Variants in SPC24 observed in about 807,000 individuals in gnomAD.
SPC24 encodes the protein SPC24 component of NDC80 kinetochore complex, also known as kinetochore protein Spc24.
Under a neutral mutation model 27.6 loss-of-function variants are expected in SPC24, and 31 were observed. That is an observed-to-expected ratio of 1.12 (90% confidence interval 0.84 to 1.52). The LOEUF (loss-of-function observed/expected upper bound fraction) is 1.52. Ranked by LOEUF, SPC24 falls within the 40% of genes most tolerant of loss-of-function variation. The probability of loss-of-function intolerance (pLI) is 0.00; values close to 1 mark genes in which losing one functional copy is unlikely to be tolerated. For missense variants in SPC24, 284 were observed against 252.5 expected, an observed-to-expected ratio of 1.12 and a Z score of -0.84; for synonymous variants, 105 against 105.8, an observed-to-expected ratio of 0.99 and a Z score of 0.05.
intron 2 of SPC24, among the ~76,000 whole-genome samples, 154 bp from the exon 3 acceptor site, chr19:11,148,271 G>C (rs555660536): frequency 6.6e-6 from 1 of 152,062 alleles, no homozygotes; most frequent in Admixed American, 6.6e-5. Context: ...GCAGTGGCAC[G>C]ACCTCAGCTC....
chr19:11,155,666 C>CA lies in SPC24; in HGVS notation c.110dup (p.Val38GlyfsTer78). Reference sequence around the variant, plus strand: ...CTTGCGTTTCCAGCAGCCGCTCCACCACCTGCTCGTGGCGCCCCAGCAGCC... The same window carrying CA: ...CTTGCGTTTCCAGCAGCCGCTCCACCAACCTGCTCGTGGCGCCCCAGCAGCC... On this transcript the variant is annotated frameshift_variant, in exon 1 of 5. Coordinates refer to ENST00000592540, the MANE Select transcript of SPC24 (RefSeq NM_182513.4). LOFTEE classifies it high-confidence loss of function. 1.3e-6 allele frequency: 2 copies of CA among 1,557,878 alleles called. No homozygotes were observed. The highest frequency in any genetic ancestry group is 1.7e-6 in the Non-Finnish European group (2 of 1,158,474).
At position 11,147,213 on chromosome 19, in the gene SPC24, G is replaced by A; in HGVS notation, c.564C>T (p.Tyr188=). ...TQLSRKFISD[Y]LWSLVDTEW is the part of the protein sequence containing the mutation. Reference sequence around the variant, plus strand: ...ACTCGGTGTCCACCAGACTCCAGAGGTAGTCGCTGATGAATTTCCTGGAGA... The same window carrying A: ...ACTCGGTGTCCACCAGACTCCAGAGATAGTCGCTGATGAATTTCCTGGAGA... Residue 188 remains tyrosine (Y), a synonymous_variant, in exon 5 of 5, where the codon TAC becomes TAT. Transcript: ENST00000592540. 5 of 1,557,168 alleles carry A rather than the reference G, an allele frequency of 3.2e-6. No homozygotes were observed. Among genetic ancestry groups the A allele is most frequent in the Non-Finnish European group, 3.5e-6 (4 of 1,149,904 alleles).
intron 1 of SPC24, among the ~76,000 whole-genome samples, chr19:11,153,896 T>A (rs902387254): frequency 1.0e-5 from 1 of 96,420 alleles, no homozygotes; most frequent in Non-Finnish European, 2.4e-5. Context: ...TGAAACCCCG[T>A]CTCTACTAAA....
At chr19:11,147,983 C>G in intron 3 of SPC24, 30 bp downstream of exon 3, 1 of 1,608,186 alleles carries the variant, frequency 6.2e-7, no homozygotes, top group Non-Finnish European at 8.5e-7. Flanking sequence ...CAAGGAGGCA[C>G]AGGCAGGCAC....
intron 2 of SPC24, among the ~76,000 whole-genome samples, chr19:11,148,570 T>G (rs1202508557): frequency 6.6e-6 from 1 of 151,566 alleles, no homozygotes; most frequent in African/African-American, 2.4e-5. Context: ...AGCCTCAATC[T>G]CCCAGGACCA....
At position 11,147,582 on chromosome 19, in the gene SPC24, C is replaced by G. The variant is rs1183959693; in HGVS notation, c.487+236G>C. On this transcript the variant is annotated intron_variant, in intron 4 of 4. Transcript: ENST00000592540. ...GTGCTGGGATTACAGGCGTGAGGTA[C>G]CACACTTGGCCTGCTATACTTTACT... 3 of 577,288 alleles carry G rather than the reference C, an allele frequency of 5.2e-6. No homozygotes were observed. The African/African-American group carries it at 5.6e-5, about 11-fold the overall frequency. The allele number at this position is 577,288 out of a possible 1,614,324, so 35.8% of individuals were successfully genotyped here.
chr19:11,151,542 T>C (rs1416355842), intron 1 of SPC24, among the ~76,000 whole-genome samples: 1 of 151,800 alleles, frequency 6.6e-6, no homozygotes, highest in Non-Finnish European at 1.5e-5. Flanking sequence ...TGAGTAGTAA[T>C]CTCTACCCCA....
intron 2 of SPC24, among the ~76,000 whole-genome samples, chr19:11,148,618 C>A (rs560222784): frequency 6.6e-6 from 1 of 150,968 alleles, no homozygotes; most frequent in East Asian, 2.0e-4. Flanking sequence ...GTAGCTGAGA[C>A]TACAGGTGTG....
At chr19:11,147,780 A>C in intron 4 of SPC24, 38 bp downstream of exon 4, 21 of 1,508,744 alleles carry the variant, frequency 1.4e-5, no homozygotes, top group African/African-American at 2.8e-5. Flanking sequence ...CCCTACCTAC[A>C]GTGCACAAGG....
intron 1 of SPC24, 59 bp downstream of exon 1, chr19:11,155,558 C>G (rs1468696968): frequency 3.3e-6 from 5 of 1,501,470 alleles, no homozygotes; most frequent in Non-Finnish European, 3.5e-6. Context: ...GCCTGGTCGC[C>G]CCCTCCCAGC....
intron 1 of SPC24, among the ~76,000 whole-genome samples, chr19:11,153,917 T>C (rs1032150543): frequency 3.6e-5 from 5 of 139,550 alleles, no homozygotes; most frequent in Admixed American, 7.2e-5. Context: ...AAAATATATA[T>C]AAAAATATTA....
chr19:11,147,908 C>CAAAAAAGAA lies in SPC24; in HGVS notation c.411-15_411-14insTTCTTTTTT. 9.0e-7 allele frequency: 1 copy of CAAAAAAGAA among 1,110,320 alleles called. No individual in the cohort carries two copies. Among genetic ancestry groups the CAAAAAAGAA allele is most frequent in the East Asian group, 2.7e-5 (1 of 36,650 alleles). 68.8% of individuals were successfully genotyped at this position (1,110,320 alleles called of 1,614,324 possible). A position where few individuals can be genotyped will look rare whatever the true frequency, so the allele number is the denominator to read the frequency against. On this transcript the variant is annotated splice_polypyrimidine_tract_variant and intron_variant, in intron 3 of 4. Coordinates refer to ENST00000592540, the MANE Select transcript of SPC24 (RefSeq NM_182513.4). The stretch of plus-strand genomic sequence containing the variant: ...TGAGCCACGTACCTGTACAGGAAGA[C>CAAAAAAGAA]AAAAAAAAAAAAAAAAAAAAAAGAA...
In SPC24 at chr19:11,149,817, T is replaced by C. The variant is rs1231955648; in HGVS notation, c.161-579A>G. ...CCTCCGCCTTCCAGTTTCAAGTGATTCTCCTGCCTCAGCCTCCCAAGTCAC... is the reference window on the plus strand; with the variant it reads ...CCTCCGCCTTCCAGTTTCAAGTGATCCTCCTGCCTCAGCCTCCCAAGTCAC... On this transcript the variant is annotated intron_variant, in intron 1 of 4. Coordinates refer to ENST00000592540, the MANE Select transcript of SPC24 (RefSeq NM_182513.4). Among the ~76,000 whole-genome samples the C allele has an allele frequency of 9.3e-5, 14 of 151,160 alleles. No individual in the cohort carries two copies. The East Asian group carries it at 2.8e-3, about 30-fold the overall frequency.
chr19:11,152,498 C>T (rs1374228814), intron 1 of SPC24, among the ~76,000 whole-genome samples: 2 of 152,188 alleles, frequency 1.3e-5, no homozygotes, highest in Non-Finnish European at 2.9e-5. Context: ...GCGTGAGCCA[C>T]CACACCCAGC....
rs1329271446 is a variant in SPC24, at chr19:11,146,494, G to A, written c.*689C>T. On this transcript the variant is annotated 3_prime_UTR_variant, in exon 5 of 5. Transcript: ENST00000592540. ...AAAAAAAAAAAAAAAGGCCAGGCGCGGTGACTCACACCTGTAATCCCAGCA... is the reference window on the plus strand; with the variant it reads ...AAAAAAAAAAAAAAAGGCCAGGCGCAGTGACTCACACCTGTAATCCCAGCA... 1.2e-4 allele frequency: 5 copies of A among 42,540 alleles called. No individual in the cohort carries two copies. The highest frequency in any genetic ancestry group is 9.8e-4 in the Admixed American group (3 of 3,070). 2.6% of individuals were successfully genotyped at this position (42,540 alleles called of 1,614,324 possible). A position where few individuals can be genotyped will look rare whatever the true frequency, so the allele number is the denominator to read the frequency against.
chr19:11,155,675 G>C lies in SPC24; in HGVS notation c.102C>G (p.His34Gln). 6.4e-7 allele frequency: 1 copy of C among 1,558,702 alleles called. No individual in the cohort carries two copies. The highest frequency in any genetic ancestry group is 8.6e-7 in the Non-Finnish European group (1 of 1,159,296). Residue 34 changes from histidine to glutamine, a missense_variant, in exon 1 of 5, where the codon CAC becomes CAG. His to Gln is a conservative substitution (Grantham distance 24). Coordinates refer to ENST00000592540, the MANE Select transcript of SPC24 (RefSeq NM_182513.4). ...EAQQRRLLGR[H>Q]EQVVERLLET... ...CCAGCAGCCGCTCCACCACCTGCTC[G>C]TGGCGCCCCAGCAGCCGTCGCTGCT... is the stretch of plus-strand genomic sequence containing the variant.
intron 2 of SPC24, 55 bp downstream of exon 2, chr19:11,149,039 G>T (rs534759400): frequency 8.4e-6 from 12 of 1,423,350 alleles, no homozygotes; most frequent in Non-Finnish European, 1.0e-5. Context: ...GAGCCACTGC[G>T]CCTGGCCCTA....
At chr19:11,150,055 C>T (rs1335275359) in intron 1 of SPC24, among the ~76,000 whole-genome samples, 1 of 151,550 alleles carries the variant, frequency 6.6e-6, no homozygotes. Context: ...GGTGTGGTGG[C>T]AGGCGCCTGT....
At chr19:11,151,356 G>T (rs552130693) in intron 1 of SPC24, among the ~76,000 whole-genome samples, 1 of 152,122 alleles carries the variant, frequency 6.6e-6, no homozygotes, top group East Asian at 1.9e-4. Context: ...TCTGGCACTG[G>T]CCTCCACATT....
Sources: allele counts gnomAD v4.1 joint callset (sites outside exome capture counted in the v4.1 genomes callset), GRCh38; gene constraint gnomAD v4.1.1; transcripts MANE v1.5; gene names NCBI Gene and HGNC (gene_info 2026-07-23, HGNC 2026-07-21).